CDH12: variants seen among roughly 807,000 people sequenced by gnomAD.
The protein encoded by CDH12 is cadherin 12, also known as cadherin-12.
Under a neutral mutation model 74.1 loss-of-function variants are expected in CDH12, and 41 were observed. That is an observed-to-expected ratio of 0.55 (90% confidence interval 0.43 to 0.72). CDH12 has a LOEUF of 0.72. Ranked by LOEUF, CDH12 falls within the 30% of genes least tolerant of loss-of-function variation. The pLI is 0.00. For synonymous variants in CDH12, 399 were observed against 355.0 expected (o/e 1.12, Z -1.39); for missense variants, 945 against 977.2 (o/e 0.97, Z 0.44).
chr5:22,472,872 C>A (rs987224929), intron 2 of CDH12, among the ~76,000 whole-genome samples: 3 of 152,132 alleles, frequency 2.0e-5, no homozygotes, highest in Non-Finnish European at 2.9e-5. Context: ...GAACCAGGGA[C>A]ATCCTTTTAA....
At chr5:21,826,948 G>T (rs565161068) in intron 8 of CDH12, among the ~76,000 whole-genome samples, 6 of 152,082 alleles carry the variant, frequency 3.9e-5, no homozygotes, top group Non-Finnish European at 8.8e-5. Flanking sequence ...TAATGTTCAG[G>T]GTCTGTTCAT....
intron 2 of CDH12, among the ~76,000 whole-genome samples, chr5:22,410,710 T>C (rs1743136563): frequency 6.6e-6 from 1 of 152,128 alleles, no homozygotes; most frequent in Non-Finnish European, 1.5e-5. Context: ...CCAATTCCTC[T>C]TGGCCCCTTC....
At chr5:21,880,684 T>TTTCTTTCC (rs1561268938) in intron 6 of CDH12, among the ~76,000 whole-genome samples, 29 of 133,470 alleles carry the variant, frequency 2.2e-4, no homozygotes, top group African/African-American at 6.8e-4. Flanking sequence ...TCTTTCTTTC[T>TTTCTTTCC]TTCTTTCTCT....
chr5:22,057,765 T>C (rs139919494), intron 5 of CDH12, among the ~76,000 whole-genome samples: 20 of 152,118 alleles, frequency 1.3e-4, no homozygotes, highest in Admixed American at 6.6e-5. Context: ...TGGAAACTCA[T>C]AGAGTGTTTG....
At chr5:22,478,087 C>A (rs1191636264) in intron 2 of CDH12, among the ~76,000 whole-genome samples, 2 of 151,994 alleles carry the variant, frequency 1.3e-5, no homozygotes, top group Admixed American at 6.6e-5. Context: ...AGGGAGGAAT[C>A]CTATTTAAAT....
intron 3 of CDH12, among the ~76,000 whole-genome samples, chr5:22,264,859 G>T (rs1042976034): frequency 1.3e-5 from 2 of 152,138 alleles, no homozygotes; most frequent in Non-Finnish European, 2.9e-5. Flanking sequence ...GCACAGGCCT[G>T]CTGGGAATCC....
intron 1 of CDH12, among the ~76,000 whole-genome samples, chr5:22,575,193 G>C (rs1016752726): frequency 6.6e-6 from 1 of 152,104 alleles, no homozygotes; most frequent in African/African-American, 2.4e-5. Flanking sequence ...TGTGTGGACT[G>C]TGTGCTTAAG....
intron 1 of CDH12, among the ~76,000 whole-genome samples, chr5:22,561,368 A>G (rs1739037997): frequency 6.6e-6 from 1 of 152,180 alleles, no homozygotes; most frequent in Non-Finnish European, 1.5e-5. Flanking sequence ...CCATCAGGTA[A>G]GTGGTGAATA....
At chr5:21,990,255 T>C (rs1215842279) in intron 5 of CDH12, among the ~76,000 whole-genome samples, 1 of 152,174 alleles carries the variant, frequency 6.6e-6, no homozygotes, top group African/African-American at 2.4e-5. Context: ...CATGCACATA[T>C]AGCAAGCCCA....
At chr5:22,363,431 G>A (rs1170409270) in intron 3 of CDH12, among the ~76,000 whole-genome samples, 1 of 152,116 alleles carries the variant, frequency 6.6e-6, no homozygotes, top group African/African-American at 2.4e-5. Context: ...ATGCCAACCA[G>A]GCTTGTTACA....
At position 22,078,924 on chromosome 5, in the gene CDH12, A is replaced by T. The variant is rs866367821; in HGVS notation, c.-186-62T>A. 5 of 824,076 alleles carry T rather than the reference A, an allele frequency of 6.1e-6. 1 individual carries two copies. In the African/African-American group the frequency reaches 7.0e-5, roughly 12 times the overall value. The allele number at this position is 824,076 out of a possible 1,614,324, so 51.0% of individuals were successfully genotyped here. A position where few individuals can be genotyped will look rare whatever the true frequency, so the allele number is the denominator to read the frequency against. The stretch of plus-strand genomic sequence containing the variant: ...GAAATTGCATGATGATATTCATCAC[A>T]ACGCTCATTATATCTGCCAACATTT... On this transcript the variant is annotated intron_variant, in intron 4 of 14. Transcript: ENST00000382254.
chr5:22,149,245 A>C (rs1267890598), intron 4 of CDH12, among the ~76,000 whole-genome samples: 1 of 152,188 alleles, frequency 6.6e-6, no homozygotes, highest in Non-Finnish European at 1.5e-5. Flanking sequence ...TATAAGTACC[A>C]AGGATTAGAA....
chr5:22,496,733 A>G (rs1747116619), intron 2 of CDH12, among the ~76,000 whole-genome samples: 1 of 152,128 alleles, frequency 6.6e-6, no homozygotes, highest in South Asian at 2.1e-4. Flanking sequence ...ATCAGCAGCA[A>G]TTGACCCAGT....
At chr5:22,287,616 G>A (rs1206043393) in intron 3 of CDH12, among the ~76,000 whole-genome samples, 2 of 151,332 alleles carry the variant, frequency 1.3e-5, no homozygotes, top group East Asian at 1.9e-4. Context: ...CCAGCTATTC[G>A]GGAGGCTGAG....
At chr5:22,388,391 GT>G (rs1742092796) in intron 3 of CDH12, among the ~76,000 whole-genome samples, 1 of 151,818 alleles carries the variant, frequency 6.6e-6, no homozygotes, top group Admixed American at 6.6e-5. Flanking sequence ...ACAAATAGAG[GT>G]CATATGAAAA....
At chr5:22,712,930 TA>T (rs1036704649) in intron 1 of CDH12, among the ~76,000 whole-genome samples, 5 of 152,076 alleles carry the variant, frequency 3.3e-5, no homozygotes, top group African/African-American at 1.2e-4. Flanking sequence ...AAGTTAGTTT[TA>T]AAATTTCCAC....
intron 1 of CDH12, among the ~76,000 whole-genome samples, chr5:22,715,536 C>T (rs917618958): frequency 2.0e-5 from 3 of 152,046 alleles, no homozygotes; most frequent in Admixed American, 6.6e-5. Flanking sequence ...AGCACAATAG[C>T]AAATACATAG....
chr5:22,448,982 T>C (rs1039711672), intron 2 of CDH12, among the ~76,000 whole-genome samples: 1 of 151,464 alleles, frequency 6.6e-6, no homozygotes, highest in South Asian at 2.1e-4. Flanking sequence ...CATATAATAA[T>C]AAAAAGCACA....
intron 6 of CDH12, among the ~76,000 whole-genome samples, chr5:21,952,035 T>C (rs1194424178): frequency 1.3e-5 from 2 of 152,168 alleles, no homozygotes; most frequent in Non-Finnish European, 2.9e-5. Context: ...TGGATTTCAT[T>C]ATTATTATTC....
Sources: allele counts gnomAD v4.1 joint callset (sites outside exome capture counted in the v4.1 genomes callset), GRCh38; gene constraint gnomAD v4.1.1; transcripts MANE v1.5; gene names NCBI Gene and HGNC (gene_info 2026-07-23, HGNC 2026-07-21).